The following MAP2K5 variants were observed in gnomAD, a reference collection of about 807,000 sequenced individuals.
MAP2K5 encodes mitogen-activated protein kinase kinase 5.
Under a neutral mutation model 83.1 loss-of-function variants are expected in MAP2K5, and 49 were observed. That is an observed-to-expected ratio of 0.59 (90% CI 0.47 to 0.75). MAP2K5 has a LOEUF of 0.75. MAP2K5 is among the 30% of genes least tolerant of loss of function. MAP2K5 has a pLI of 0.00. For missense variants in MAP2K5, 457 were observed against 557.5 expected (o/e 0.82, Z 1.82); for synonymous variants, 202 against 191.8 (o/e 1.05, Z -0.44).
At chr15:67,625,691 A>G (rs2086301385) in intron 8 of MAP2K5, among the ~76,000 whole-genome samples, 1 of 152,242 alleles carries the variant, frequency 6.6e-6, no homozygotes, top group Non-Finnish European at 1.5e-5. Context: ...TGCCTTTGTC[A>G]TCCAGTTCTC....
At chr15:67,600,171 A>C (rs1371574072) in intron 7 of MAP2K5, among the ~76,000 whole-genome samples, 4 of 152,202 alleles carry the variant, frequency 2.6e-5, no homozygotes, top group African/African-American at 9.7e-5. Context: ...TTATTTGCAA[A>C]GAAAAGCTAT....
rs189873547 is a variant in MAP2K5 at position 67,683,086 on chromosome 15, C to A, written c.848-9393C>A. Reference sequence around the variant, plus strand: ...AACCCGGGAGGCGGAGGTTGCAGTGCGCTGAGATTGGGCCATTGCACTCCA... The same window carrying A: ...AACCCGGGAGGCGGAGGTTGCAGTGAGCTGAGATTGGGCCATTGCACTCCA... On this transcript the variant is annotated intron_variant, in intron 13 of 21. Transcript: ENST00000178640. Among the ~76,000 whole-genome samples, 827 of 150,186 alleles carry A rather than the reference C, an allele frequency of 5.5e-3. 12 individuals carry two copies. The highest frequency in any genetic ancestry group is 0.019 in the African/African-American group (778 of 40,870).
intron 9 of MAP2K5, among the ~76,000 whole-genome samples, chr15:67,635,188 CT>C (rs35373677): frequency 2.0e-4 from 28 of 141,634 alleles, no homozygotes; most frequent in Admixed American, 2.1e-4. Flanking sequence ...AGATATTTAT[CT>C]TTTTTTTTTT....
At chr15:67,741,023 G>A (rs1312048637) in intron 17 of MAP2K5, among the ~76,000 whole-genome samples, 5 of 124,510 alleles carry the variant, frequency 4.0e-5, no homozygotes, top group Admixed American at 8.6e-5. Flanking sequence ...GTGAGACTCC[G>A]TCTCAAAAAA....
In MAP2K5 at chr15:67,780,169, C is replaced by A. The variant is rs766050034; in HGVS notation, c.1242+7417C>A. 6.6e-6 allele frequency among the ~76,000 whole-genome samples: 1 copy of A among 152,130 alleles called. No homozygotes were observed. The highest frequency in any genetic ancestry group is 1.5e-5 in the Non-Finnish European group (1 of 68,016). The stretch of plus-strand genomic sequence containing the variant: ...GTCCATGTAGTACAGCGGCTCTCAA[C>A]ACTAGCAGCTCATCAGAGTTACCTC... On this transcript the variant is annotated intron_variant, in intron 21 of 21. Coordinates refer to ENST00000178640, the MANE Select transcript of MAP2K5 (RefSeq NM_145160.3). The surrounding 1 kb of genome is among the most constrained non-coding windows in gnomAD (Gnocchi z 5.0).
chr15:67,570,058 T>C (rs1389044426), intron 3 of MAP2K5, among the ~76,000 whole-genome samples: 1 of 152,230 alleles, frequency 6.6e-6, no homozygotes, highest in Non-Finnish European at 1.5e-5. Flanking sequence ...TCTGAAAGTT[T>C]CAGCTGAGAG....
chr15:67,549,073 T>TTTGTCAG, intron 1 of MAP2K5: 1 of 1,528,638 alleles, frequency 6.5e-7, no homozygotes, highest in East Asian at 2.5e-5. Flanking sequence ...TGCGAGCGGC[T>TTTGTCAG]TTGTCAGCCG....
rs60450892 is a variant in MAP2K5, at chr15:67,723,753, T to TA, written c.1045-4152dup. Among the ~76,000 whole-genome samples the TA allele has an allele frequency of 3.0e-3, 451 of 147,976 alleles. 3 individuals carry two copies. The highest frequency in any genetic ancestry group is 8.0e-3 in the African/African-American group (324 of 40,752). ...TGTCTACATTTTTCAGTACACTTTT[T>TA]AAAAAAAAAAACTAGACTTAAGCTG... is the stretch of plus-strand genomic sequence containing the variant. On this transcript the variant is annotated intron_variant, in intron 16 of 21. Coordinates refer to ENST00000178640, the MANE Select transcript of MAP2K5 (RefSeq NM_145160.3).
rs2088015252 is a variant in MAP2K5 at position 67,688,460 on chromosome 15, T to G, written c.848-4019T>G. 1.3e-5 allele frequency among the ~76,000 whole-genome samples: 2 copies of G among 152,232 alleles called. 1 individual carries two copies. Among genetic ancestry groups the G allele is most frequent in the South Asian group, 4.1e-4 (2 of 4,830 alleles). On this transcript the variant is annotated intron_variant, in intron 13 of 21. Transcript: ENST00000178640. ...AGGGGTGCATATAGTCTGGCAAAAA[T>G]GTTTCCTTGTAAACATCACATTGGT... is the stretch of plus-strand genomic sequence containing the variant.
chr15:67,643,040 A>G (rs1472985295), intron 9 of MAP2K5, among the ~76,000 whole-genome samples: 2 of 152,184 alleles, frequency 1.3e-5, no homozygotes, highest in Non-Finnish European at 1.5e-5. Flanking sequence ...TTACAAAATA[A>G]CAAAGATGTG....
rs1446427404 is a variant in MAP2K5 at position 67,652,834 on chromosome 15, C to CT, written c.737-5718dup. Among the ~76,000 whole-genome samples, 10 of 152,200 alleles carry CT rather than the reference C, an allele frequency of 6.6e-5. No individual in the cohort carries two copies. Among genetic ancestry groups the CT allele is most frequent in the African/African-American group, 2.2e-4 (9 of 41,442 alleles). On this transcript the variant is annotated intron_variant, in intron 11 of 21. Transcript: ENST00000178640. The surrounding 1 kb of genome is among the most constrained non-coding windows in gnomAD (Gnocchi z 4.2). ...AGCCCCTGGCAAACAGCATTATACT[C>CT]TGTCTCTATGTGACTACTCTAGGTA...
At chr15:67,619,325 G>T (rs2086127198) in intron 8 of MAP2K5, among the ~76,000 whole-genome samples, 1 of 151,910 alleles carries the variant, frequency 6.6e-6, no homozygotes, top group African/African-American at 2.4e-5. Flanking sequence ...CTCACATATT[G>T]TATATTTATT....
chr15:67,627,940 GA>G, intron 8 of MAP2K5: 2 of 787,672 alleles, frequency 2.5e-6, no homozygotes, highest in Non-Finnish European at 2.2e-6. Context: ...ATGAGAGCCT[GA>G]GGAGCCATTT....
rs2088068719 is a variant in MAP2K5, at chr15:67,690,194, C to G, written c.848-2285C>G. 6.6e-6 allele frequency among the ~76,000 whole-genome samples: 1 copy of G among 151,938 alleles called. No individual in the cohort carries two copies. Among genetic ancestry groups the G allele is most frequent in the South Asian group, 2.1e-4 (1 of 4,830 alleles). The stretch of plus-strand genomic sequence containing the variant: ...AAGAAAAATATTTAAAACTGAGGGC[C>G]CATGATAAGAACTAGATTTGAAAAA... On this transcript the variant is annotated intron_variant, in intron 13 of 21. Coordinates refer to ENST00000178640, the MANE Select transcript of MAP2K5 (RefSeq NM_145160.3). This position sits in a 1 kb window ranked among gnomAD's most constrained non-coding sequence, Gnocchi z 4.3.
At chr15:67,703,505 T>C (rs2088472286) in intron 16 of MAP2K5, 97 bp downstream of exon 16, 1 of 985,966 alleles carries the variant, frequency 1.0e-6, no homozygotes, top group African/African-American at 1.6e-5. Context: ...AAAATAAACC[T>C]TCAGCATGTT....
chr15:67,796,931 A>G (rs903945768), intron 21 of MAP2K5, among the ~76,000 whole-genome samples: 2 of 152,140 alleles, frequency 1.3e-5, no homozygotes, highest in Admixed American at 6.5e-5. Context: ...TCTTTTAAGG[A>G]CAGAATTTCT....
intron 9 of MAP2K5, among the ~76,000 whole-genome samples, chr15:67,643,573 A>G (rs1227022096): frequency 3.3e-5 from 5 of 152,032 alleles, no homozygotes. Context: ...TAGCCTCCCA[A>G]GTAGCTGGGA....
chr15:67,644,108 A>G lies in MAP2K5; in HGVS notation c.586-2123A>G, dbSNP rs1466081941. Among the ~76,000 whole-genome samples, 1 of 152,144 alleles carries G rather than the reference A, an allele frequency of 6.6e-6. No individual in the cohort carries two copies. The highest frequency in any genetic ancestry group is 1.9e-4 in the East Asian group (1 of 5,174). On this transcript the variant is annotated intron_variant, in intron 9 of 21. Coordinates refer to ENST00000178640, the MANE Select transcript of MAP2K5 (RefSeq NM_145160.3). The surrounding 1 kb of genome is among the most constrained non-coding windows in gnomAD (Gnocchi z 4.6). ...TCATCACTGCCTTTTAAAAGTAAAA[A>G]ACAAGCTGGGCACGGTGGCTCACGC...
rs200627656 is a variant in MAP2K5 at position 67,756,515 on chromosome 15, CTGTGTGTGTG to C, written c.1134+7952_1134+7961del. On this transcript the variant is annotated intron_variant, in intron 19 of 21. Coordinates refer to ENST00000178640, the MANE Select transcript of MAP2K5 (RefSeq NM_145160.3). ...ATATATCTAACCCCACACACAGTTACTGTGTGTGTGTGTGTGTGTGTGTGTGTGTGTGTGT... is the reference window on the plus strand; with the variant it reads ...ATATATCTAACCCCACACACAGTTACTGTGTGTGTGTGTGTGTGTGTGTGT... Among the ~76,000 whole-genome samples the C allele has an allele frequency of 3.1e-3, 413 of 131,592 alleles. 3 individuals carry two copies. The highest frequency in any genetic ancestry group is 8.5e-3 in the African/African-American group (304 of 35,810). 86.3% of individuals were successfully genotyped at this position (131,592 alleles called of 152,430 possible). A position where few individuals can be genotyped will look rare whatever the true frequency, so the allele number is the denominator to read the frequency against.
Sources: allele counts gnomAD v4.1 joint callset (sites outside exome capture counted in the v4.1 genomes callset), GRCh38; gene constraint gnomAD v4.1.1; non-coding constraint Gnocchi (gnomAD v3.1); transcripts MANE v1.5; gene names NCBI Gene and HGNC (gene_info 2026-07-23, HGNC 2026-07-21).